NAV2: variants seen among roughly 807,000 people sequenced by gnomAD.
The protein encoded by NAV2 is helicase, APC down-regulated 1.
In NAV2, 54 loss-of-function variants were observed where a neutral mutation model predicts 223.2. That is an observed-to-expected ratio of 0.24 (90% CI 0.19 to 0.30). The LOEUF (loss-of-function observed/expected upper bound fraction) is 0.30, where lower values mean the gene tolerates loss of function less well. Ranked by LOEUF, NAV2 falls within the 10% of genes least tolerant of loss-of-function variation. NAV2 has a pLI of 1.00. For missense variants in NAV2, 2,806 were observed against 3,147.5 expected (o/e 0.89, Z 2.60); for synonymous variants, 1,279 against 1,239.3 (o/e 1.03, Z -0.67).
chr11:19,400,275 C>T (rs1001907218), intron 1 of NAV2, among the ~76,000 whole-genome samples: 4 of 152,136 alleles, frequency 2.6e-5, no homozygotes, highest in Non-Finnish European at 5.9e-5. Flanking sequence ...GATACATTAT[C>T]TTCATCAATG....
chr11:19,562,410 C>T (rs1219222085), intron 1 of NAV2, among the ~76,000 whole-genome samples: 1 of 152,162 alleles, frequency 6.6e-6, no homozygotes, highest in Non-Finnish European at 1.5e-5. Flanking sequence ...GGGCTCCGGG[C>T]ATCCTTTAGG....
At chr11:19,850,393 C>T (rs537493446) in intron 3 of NAV2, among the ~76,000 whole-genome samples, 22 of 152,280 alleles carry the variant, frequency 1.4e-4, no homozygotes, top group Admixed American at 1.4e-3. Context: ...ATTTTGGTGA[C>T]TGGGCCTGTA....
At chr11:19,785,827 A>G (rs976114164) in intron 1 of NAV2, among the ~76,000 whole-genome samples, 1 of 151,990 alleles carries the variant, frequency 6.6e-6, no homozygotes, top group African/African-American at 2.4e-5. Flanking sequence ...GCTTAAGGGG[A>G]CCTCTATTTG....
chr11:20,061,908 A>C (rs182450989), intron 19 of NAV2, among the ~76,000 whole-genome samples: 24 of 152,352 alleles, frequency 1.6e-4, no homozygotes, highest in African/African-American at 5.8e-4. Flanking sequence ...AAAGGAATAC[A>C]TTAGAAAAAA....
At chr11:19,988,106 T>C (rs567378504) in intron 11 of NAV2, among the ~76,000 whole-genome samples, 2 of 152,330 alleles carry the variant, frequency 1.3e-5, no homozygotes, top group East Asian at 3.9e-4. Flanking sequence ...GCTTTGATAG[T>C]GTAAAGATCA....
chr11:19,452,888 A>T (rs933681087), intron 1 of NAV2, among the ~76,000 whole-genome samples: 1 of 152,234 alleles, frequency 6.6e-6, no homozygotes, highest in Non-Finnish European at 1.5e-5. Flanking sequence ...ACAATAAGAT[A>T]GCTAACACTT....
chr11:19,439,232 A>C (rs193237671), intron 1 of NAV2, among the ~76,000 whole-genome samples: 29 of 152,282 alleles, frequency 1.9e-4, no homozygotes, highest in Admixed American at 1.7e-3. Context: ...ACAAAGACCA[A>C]ATATATATTT....
intron 1 of NAV2, among the ~76,000 whole-genome samples, chr11:19,425,592 G>C (rs1850796420): frequency 6.6e-6 from 1 of 152,176 alleles, no homozygotes; most frequent in African/African-American, 2.4e-5. Context: ...ACGTGGTCCT[G>C]CCCCATTATG....
chr11:19,384,336 A>G (rs1848953461), intron 1 of NAV2, among the ~76,000 whole-genome samples: 1 of 152,218 alleles, frequency 6.6e-6, no homozygotes, highest in African/African-American at 2.4e-5. Flanking sequence ...AGAGAGTAAA[A>G]TGAGTTATAA....
intron 1 of NAV2, among the ~76,000 whole-genome samples, chr11:19,392,133 T>C (rs546541016): frequency 1.3e-5 from 2 of 152,186 alleles, no homozygotes; most frequent in Non-Finnish European, 2.9e-5. Flanking sequence ...ACTTGAAAAG[T>C]AGTATGGAAT....
intron 19 of NAV2, 21 bp from the exon 20 acceptor site, chr11:20,062,286 C>CTTTTTTTTTT (rs145350141): frequency 7.2e-7 from 1 of 1,380,294 alleles, no homozygotes; most frequent in Non-Finnish European, 9.9e-7. Context: ...ATCAATTCAC[C>CTTTTTTTTTT]TTTTTTTTTT....
intron 1 of NAV2, among the ~76,000 whole-genome samples, chr11:19,783,767 T>C (rs2056914531): frequency 6.6e-6 from 1 of 152,110 alleles, no homozygotes. Flanking sequence ...AAATTCAAGG[T>C]TGTTAGGGTT....
intron 11 of NAV2, among the ~76,000 whole-genome samples, chr11:20,030,000 A>G (rs2055545079): frequency 1.3e-5 from 2 of 152,214 alleles, no homozygotes; most frequent in Admixed American, 1.3e-4. Context: ...GAAGTCAGGT[A>G]TATCTGTGAT....
At chr11:19,350,085 C>CTGATGATGATGATGATGA (rs3077390), upstream of NAV2, among the ~76,000 whole-genome samples, 715 of 149,730 alleles carry the variant, frequency 4.8e-3, 4 homozygotes, top group East Asian at 8.3e-3. Flanking sequence ...CCTTATTCCT[C>CTGATGATGATGATGATGA]TGATGATGAT....
At chr11:19,757,165 A>C (rs182102782) in intron 1 of NAV2, among the ~76,000 whole-genome samples, 2 of 152,166 alleles carry the variant, frequency 1.3e-5, no homozygotes, top group African/African-American at 4.8e-5. Context: ...TGTTGTTTTG[A>C]AGCTGAGAGA....
At chr11:19,497,293 G>T (rs1245746653) in intron 1 of NAV2, among the ~76,000 whole-genome samples, 10 of 152,216 alleles carry the variant, frequency 6.6e-5, no homozygotes, top group Admixed American at 6.5e-4. Flanking sequence ...CCAGAACATT[G>T]TAAGTGCCGT....
chr11:19,868,987 G>C lies in NAV2; in HGVS notation c.501G>C (p.Leu167=), dbSNP rs763117081. ...LAAKGINIQG[L]SAEEIRNGNL... ...CTAAGGGAATAAACATCCAGGGGCT[G>C]TCTGCAGAAGGTGAGTCAGAGCGCT... The change falls in exon 4 of 38, where the codon CTG becomes CTC. Residue 167 remains leucine, a synonymous_variant. Coordinates refer to ENST00000349880, the MANE Select transcript of NAV2 (RefSeq NM_145117.5). The C allele has an allele frequency of 6.8e-6, 11 of 1,613,840 alleles. No individual in the cohort carries two copies. The highest frequency in any genetic ancestry group is 9.3e-6 in the Non-Finnish European group (11 of 1,179,916).
intron 10 of NAV2, among the ~76,000 whole-genome samples, chr11:19,964,069 C>T (rs1384901099): frequency 2.0e-5 from 3 of 152,162 alleles, no homozygotes; most frequent in Admixed American, 1.3e-4. Flanking sequence ...CAGAATTGTG[C>T]ACGGCAAGTT....
At chr11:19,932,257 AAAAG>A (rs1555153007) in intron 6 of NAV2, among the ~76,000 whole-genome samples, 3 of 100,006 alleles carry the variant, frequency 3.0e-5, no homozygotes, top group African/African-American at 9.8e-5. Context: ...AAAAAAAAAA[AAAAG>A]AAAGAAAAGG....
Sources: allele counts gnomAD v4.1 joint callset (sites outside exome capture counted in the v4.1 genomes callset), GRCh38; gene constraint gnomAD v4.1.1; transcripts MANE v1.5; gene names NCBI Gene and HGNC (gene_info 2026-07-23, HGNC 2026-07-21).